LPP: variants seen among roughly 807,000 people sequenced by gnomAD.
LPP encodes the protein lipoma-preferred partner.
LPP carries 38 observed loss-of-function variants against 60.4 expected under a neutral mutation model. The ratio of observed to expected loss-of-function variants is 0.63; its 90% CI spans 0.49 to 0.83. LPP has a LOEUF of 0.83. Among genes scored for constraint, LPP ranks in the 40% least tolerant of loss-of-function variants. The pLI, the probability that LPP is intolerant of heterozygous loss-of-function variation, is 0.00. For missense variants in LPP, 902 were observed against 783.6 expected (o/e 1.15, Z -1.80); for synonymous variants, 328 against 290.8 (o/e 1.13, Z -1.30).
Position 188,614,394 on chromosome 3 carries a change from G to T in LPP, c.1113+4550G>T, listed in dbSNP as rs190455066. On this transcript the variant is annotated intron_variant, in intron 7 of 11. Transcript: ENST00000617246. ...AGATGATTAGGGTGGGCAGAGGAAT[G>T]AATGCAGATAGATCCCTCAAGTCAG... Among the ~76,000 whole-genome samples the T allele has an allele frequency of 3.3e-5, 5 of 152,334 alleles. No homozygotes were observed. In the East Asian group the frequency reaches 9.7e-4, roughly 29 times the overall value.
chr3:188,164,618 T>A (rs944928691), intron 1 of LPP, among the ~76,000 whole-genome samples: 1 of 152,200 alleles, frequency 6.6e-6, no homozygotes, highest in Non-Finnish European at 1.5e-5. Flanking sequence ...AGGCAAACTC[T>A]GCCCTGGCCA....
chr3:188,864,761 T>C lies in LPP; in HGVS notation c.1411-1439T>C, dbSNP rs942698577. 2.6e-5 allele frequency among the ~76,000 whole-genome samples: 4 copies of C among 152,142 alleles called. No individual in the cohort carries two copies. The East Asian group carries it at 7.7e-4, about 29-fold the overall frequency. ...ATGTTATGAGAACCATAAAGGGGGG[T>C]TGGATACCATGTAAAGAATAAGCTC... is the stretch of plus-strand genomic sequence containing the variant. On this transcript the variant is annotated intron_variant, in intron 9 of 11. Coordinates refer to ENST00000617246, the MANE Select transcript of LPP (RefSeq NM_001375462.1).
At chr3:188,405,994 T>C (rs1424192393) in intron 3 of LPP, 118 bp from the exon 4 acceptor site, 2 of 796,466 alleles carry the variant, frequency 2.5e-6, no homozygotes, top group East Asian at 5.6e-5. Context: ...TCACCCTTCT[T>C]TCCAGAGAAC....
rs35761284 is a variant in LPP, at chr3:188,715,376, C to CAAA, written c.1240+7011_1240+7013dup. Among the ~76,000 whole-genome samples the CAAA allele has an allele frequency of 4.3e-3, 274 of 63,682 alleles. 22 individuals carry two copies. Among genetic ancestry groups the CAAA allele is most frequent in the South Asian group, 4.6e-3 (5 of 1,082 alleles). 41.8% of individuals were successfully genotyped at this position (63,682 alleles called of 152,430 possible). ...CTGGTGACAGAGGGAGACTCCGTCT[C>CAAA]AAAAAAAAAAAAAAAAAAAAAAAAA... On this transcript the variant is annotated intron_variant, in intron 8 of 11. Transcript: ENST00000617246.
chr3:188,333,615 TTC>T (rs1398931631), intron 2 of LPP, among the ~76,000 whole-genome samples: 3 of 152,230 alleles, frequency 2.0e-5, no homozygotes, highest in Non-Finnish European at 4.4e-5. Context: ...GCCCCAAACT[TTC>T]TGAGATAGCT....
chr3:188,528,994 T>G (rs1821426537), intron 6 of LPP, among the ~76,000 whole-genome samples: 1 of 152,222 alleles, frequency 6.6e-6, no homozygotes, highest in Non-Finnish European at 1.5e-5. Context: ...TAAAATACAC[T>G]TTCGATGTGC....
At chr3:188,409,433 G>A (rs1784402499) in intron 4 of LPP, among the ~76,000 whole-genome samples, 1 of 152,110 alleles carries the variant, frequency 6.6e-6, no homozygotes, top group African/African-American at 2.4e-5. Context: ...TGTATTTGTT[G>A]GAAGTAGATT....
chr3:188,736,088 C>G (rs1330320075), intron 8 of LPP, among the ~76,000 whole-genome samples: 1 of 152,080 alleles, frequency 6.6e-6, no homozygotes, highest in African/African-American at 2.4e-5. Flanking sequence ...TACGCACAGT[C>G]CAGATAGACT....
At chr3:188,227,820 T>G (rs1718377308) in intron 2 of LPP, among the ~76,000 whole-genome samples, 2 of 152,204 alleles carry the variant, frequency 1.3e-5, no homozygotes, top group South Asian at 4.1e-4. Flanking sequence ...CTCATAGGCT[T>G]GGCTGACTGT....
chr3:188,179,359 C>T (rs1461836520), intron 1 of LPP: 3 of 458,050 alleles, frequency 6.5e-6, no homozygotes, highest in African/African-American at 4.0e-5. Flanking sequence ...AGGCCCCCGC[C>T]TTCAGCTCTC....
At chr3:188,245,056 T>C (rs1726389061) in intron 2 of LPP, among the ~76,000 whole-genome samples, 1 of 152,206 alleles carries the variant, frequency 6.6e-6, no homozygotes. Flanking sequence ...CTCATCATTC[T>C]AGGCTTGTAT....
intron 3 of LPP, among the ~76,000 whole-genome samples, chr3:188,351,403 A>G (rs890555550): frequency 1.3e-5 from 2 of 152,148 alleles, no homozygotes; most frequent in Admixed American, 6.5e-5. Context: ...CATCTCACCA[A>G]GCATTGGAGA....
rs1371823962 is a variant in LPP at position 188,182,893 on chromosome 3, G to C, written c.-190+28641G>C. Reference sequence around the variant, plus strand: ...CTAGAATCAAAATCTCTGAGAAGTAGACCTGGTCAAGAGTACTTAGAGAAA... The same window carrying C: ...CTAGAATCAAAATCTCTGAGAAGTACACCTGGTCAAGAGTACTTAGAGAAA... On this transcript the variant is annotated intron_variant, in intron 1 of 11. Transcript: ENST00000617246. This position sits in a 1 kb window ranked among gnomAD's most constrained non-coding sequence, Gnocchi z 4.4. 6.6e-6 allele frequency among the ~76,000 whole-genome samples: 1 copy of C among 151,904 alleles called. No individual in the cohort carries two copies. Among genetic ancestry groups the C allele is most frequent in the African/African-American group, 2.4e-5 (1 of 41,344 alleles).
At chr3:188,154,798 C>T (rs1715702392) in intron 1 of LPP, among the ~76,000 whole-genome samples, 1 of 152,184 alleles carries the variant, frequency 6.6e-6, no homozygotes, top group African/African-American at 2.4e-5. Context: ...ACGTTGCCCT[C>T]AAGGAACTCA....
intron 7 of LPP, among the ~76,000 whole-genome samples, chr3:188,615,296 G>A (rs958488005): frequency 2.0e-5 from 3 of 151,500 alleles, no homozygotes; most frequent in Non-Finnish European, 4.4e-5. Context: ...CTTCTTCCCA[G>A]TCCTTCCCCA....
intron 7 of LPP, among the ~76,000 whole-genome samples, chr3:188,631,539 A>G (rs1286612733): frequency 1.3e-5 from 2 of 152,306 alleles, no homozygotes; most frequent in East Asian, 3.9e-4. Flanking sequence ...CTCCATTTGC[A>G]TCATCGAAAA....
chr3:188,521,291 A>G (rs950280144), intron 5 of LPP, among the ~76,000 whole-genome samples: 7 of 152,202 alleles, frequency 4.6e-5, no homozygotes, highest in Non-Finnish European at 4.4e-5. Context: ...GAAAATAGGG[A>G]GCAGTCTGAA....
chr3:188,201,568 G>A (rs1360680378), intron 1 of LPP, among the ~76,000 whole-genome samples: 2 of 152,154 alleles, frequency 1.3e-5, no homozygotes, highest in East Asian at 1.9e-4. Context: ...TTAGCCAGGA[G>A]TGGTGGCGCA....
At chr3:188,370,470 T>A (rs771585474) in intron 3 of LPP, among the ~76,000 whole-genome samples, 5 of 152,176 alleles carry the variant, frequency 3.3e-5, no homozygotes, top group Non-Finnish European at 7.4e-5. Context: ...ATGATTATCA[T>A]TGAGCCTTTT....
Sources: gnomAD v4.1 joint callset for allele counts (sites outside exome capture counted in the v4.1 genomes callset) on GRCh38, gnomAD v4.1.1 for gene constraint, Gnocchi (gnomAD v3.1) non-coding constraint, MANE v1.5 for transcripts, NCBI Gene and HGNC (gene_info 2026-07-23, HGNC 2026-07-21) for gene names.